The following TGFBRAP1 variants were observed in gnomAD, a reference collection of about 807,000 sequenced individuals.
TGFBRAP1 encodes transforming growth factor beta receptor associated protein 1, also known as transforming growth factor-beta receptor-associated protein 1.
In TGFBRAP1, 20 loss-of-function variants were observed where a neutral mutation model predicts 83.2. The observed-to-expected ratio is 0.24, with a 90% CI of 0.17 to 0.35. The LOEUF is 0.35. Ranked by LOEUF, TGFBRAP1 falls within the 10% of genes least tolerant of loss-of-function variation. The pLI is 1.00. For synonymous variants in TGFBRAP1, 415 were observed against 459.8 expected (o/e 0.90, Z 1.25); for missense variants, 950 against 1,099.4 (o/e 0.86, Z 1.92).
intron 5 of TGFBRAP1, among the ~76,000 whole-genome samples, chr2:105,284,046 C>G (rs1677631109): frequency 1.3e-5 from 2 of 152,150 alleles, no homozygotes; most frequent in African/African-American, 4.8e-5. Flanking sequence ...CCTGGCAAAA[C>G]AATCTCGATG....
At chr2:105,312,896 G>A (rs989983024) in intron 1 of TGFBRAP1, among the ~76,000 whole-genome samples, 1 of 152,186 alleles carries the variant, frequency 6.6e-6, no homozygotes, top group Non-Finnish European at 1.5e-5. Flanking sequence ...TGGACCACCT[G>A]AGGTCAGGAG....
At chr2:105,309,651 T>G (rs900627809) in intron 1 of TGFBRAP1, among the ~76,000 whole-genome samples, 2 of 152,066 alleles carry the variant, frequency 1.3e-5, no homozygotes, top group Non-Finnish European at 2.9e-5. Context: ...CTTCCTTAGC[T>G]CTACAAAACC....
chr2:105,270,419 T>A (rs1677113999), intron 10 of TGFBRAP1, among the ~76,000 whole-genome samples: 1 of 152,116 alleles, frequency 6.6e-6, no homozygotes, highest in African/African-American at 2.4e-5. Flanking sequence ...ATCTGTAACT[T>A]CCCACCCAGC....
the TGFBRAP1 span, among the ~76,000 whole-genome samples, chr2:105,253,520 C>T: frequency 1.3e-5 from 2 of 152,186 alleles, no homozygotes; most frequent in East Asian, 3.9e-4. Context: ...CAGCCTTAAA[C>T]TCCTGGGCTC....
intron 2 of TGFBRAP1, among the ~76,000 whole-genome samples, chr2:105,305,230 A>T (rs1678456528): frequency 6.6e-6 from 1 of 152,222 alleles, no homozygotes; most frequent in South Asian, 2.1e-4. Context: ...GAAAAACAAG[A>T]GATATACATG....
At chr2:105,284,799 T>A (rs1173100215) in intron 4 of TGFBRAP1, among the ~76,000 whole-genome samples, 1 of 152,156 alleles carries the variant, frequency 6.6e-6, no homozygotes, top group Non-Finnish European at 1.5e-5. Context: ...GGCCGACTCA[T>A]TTCATAATGA....
chr2:105,277,517 G>A, intron 7 of TGFBRAP1, 97 bp downstream of exon 7: 1 of 960,278 alleles, frequency 1.0e-6, no homozygotes, highest in Middle Eastern at 2.3e-4. Flanking sequence ...TCAGGCAAAA[G>A]TGGTCTCTAT....
chr2:105,274,476 C>T (rs543922758), intron 8 of TGFBRAP1, among the ~76,000 whole-genome samples: 7 of 152,338 alleles, frequency 4.6e-5, no homozygotes, highest in East Asian at 1.9e-4. Context: ...CAACTATAGC[C>T]TCAGTTTCCT....
rs1365693616 is a variant in TGFBRAP1, at chr2:105,272,852, C to T, written c.1972+3G>A. ...AGGGAGACAATACTGAGATCATCCT[C>T]ACCGAGAAGAAAGTGGACTCGGTAT... On this transcript the variant is annotated splice_donor_region_variant and intron_variant, in intron 10 of 11. Transcript: ENST00000393359. The T allele has an allele frequency of 1.9e-6, 3 of 1,606,738 alleles. No homozygotes were observed. The highest frequency in any genetic ancestry group is 2.2e-5 in the South Asian group (2 of 91,040).
the TGFBRAP1 span, among the ~76,000 whole-genome samples, chr2:105,254,844 G>C: frequency 6.6e-6 from 1 of 152,150 alleles, no homozygotes; most frequent in Non-Finnish European, 1.5e-5. Flanking sequence ...TAGGAAAAGA[G>C]GTAGAGACCC....
chr2:105,252,729 T>C, the TGFBRAP1 span, among the ~76,000 whole-genome samples: 3 of 151,202 alleles, frequency 2.0e-5, no homozygotes, highest in Admixed American at 2.0e-4. Context: ...GCCCTTCCTG[T>C]GATGTGAGAT....
chr2:105,305,118 C>T lies in TGFBRAP1; in HGVS notation c.688+2496G>A, dbSNP rs142673433. Among the ~76,000 whole-genome samples the T allele has an allele frequency of 8.9e-3, 1,354 of 152,196 alleles. 18 individuals are homozygous for T. The highest frequency in any genetic ancestry group is 0.031 in the African/African-American group (1,277 of 41,508). On this transcript the variant is annotated intron_variant, in intron 2 of 11. Transcript: ENST00000393359. ...CCCTGTACCACTGTCGTGTGGATAA[C>T]GGGAGGGCAGGAGGTCTACAGGAAC...
intron 1 of TGFBRAP1, among the ~76,000 whole-genome samples, chr2:105,316,209 C>G (rs998965520): frequency 3.3e-5 from 5 of 152,044 alleles, no homozygotes; most frequent in African/African-American, 9.7e-5. Context: ...ACACAGTGAA[C>G]TTTCTGGGTG....
At chr2:105,297,408 C>G (rs1573193558) in intron 3 of TGFBRAP1, among the ~76,000 whole-genome samples, 1 of 152,354 alleles carries the variant, frequency 6.6e-6, no homozygotes, top group East Asian at 1.9e-4. Flanking sequence ...GACTCTACCA[C>G]TCAACAGGCA....
At chr2:105,283,095 CTG>C (rs759817820) in intron 5 of TGFBRAP1, among the ~76,000 whole-genome samples, 12 of 152,316 alleles carry the variant, frequency 7.9e-5, no homozygotes, top group Non-Finnish European at 5.9e-5. Context: ...GTCTTCAACA[CTG>C]TAGGGCTAAC....
At chr2:105,327,208 A>T (rs1679248823) in intron 1 of TGFBRAP1, 1 of 151,830 alleles carries the variant, frequency 6.6e-6, no homozygotes, top group African/African-American at 2.4e-5. Context: ...GGAATAAGCC[A>T]AATAACTTCA....
At position 105,280,569 on chromosome 2, in the gene TGFBRAP1, G is replaced by A. The variant is rs772376741; in HGVS notation, c.1276C>T (p.Arg426Cys). The change falls in exon 6 of 12, where the codon CGC becomes TGC. Residue 426 changes from arginine (R) to cysteine (C), a missense_variant. By Grantham distance (180) the Arg-to-Cys change is radical. Transcript: ENST00000393359. ...TCGTTCAGGTAGCTCATGAGGAAGC[G>A]TTTGCACTTGGCCATCTTCTCCTGG... The part of the protein sequence containing the change: ...GDQEKMAKCK[R>C]FLMSYLNEVR... 1.8e-5 allele frequency: 29 copies of A among 1,614,006 alleles called. No individual in the cohort carries two copies. Among genetic ancestry groups the A allele is most frequent in the African/African-American group, 4.0e-5 (3 of 74,918 alleles).
downstream of TGFBRAP1, among the ~76,000 whole-genome samples, chr2:105,263,215 C>T (rs1676831148): frequency 6.6e-6 from 1 of 152,228 alleles, no homozygotes; most frequent in African/African-American, 2.4e-5. Context: ...AAGGCCCCCT[C>T]TTACTTATTC....
At chr2:105,285,646 C>T (rs1223679093) in intron 4 of TGFBRAP1, among the ~76,000 whole-genome samples, 3 of 152,162 alleles carry the variant, frequency 2.0e-5, no homozygotes, top group South Asian at 2.1e-4. Flanking sequence ...AATTACCTTT[C>T]AAAGGGCTTT....
Sources: gnomAD v4.1 joint callset for allele counts (sites outside exome capture counted in the v4.1 genomes callset) on GRCh38, gnomAD v4.1.1 for gene constraint, MANE v1.5 for transcripts, NCBI Gene and HGNC (gene_info 2026-07-23, HGNC 2026-07-21) for gene names.